The following FAM227B variants were observed in gnomAD, a reference collection of about 807,000 sequenced individuals.
FAM227B encodes family with sequence similarity 227 member B, also known as protein FAM227B.
FAM227B carries 88 observed loss-of-function variants against 73.8 expected under a neutral mutation model. The ratio of observed to expected loss-of-function variants is 1.19; its 90% confidence interval spans 1.00 to 1.42. FAM227B has a LOEUF of 1.42. Ranked by LOEUF, FAM227B falls within the 40% of genes most tolerant of loss-of-function variation. The probability of loss-of-function intolerance (pLI) is 0.00; values close to 1 mark genes in which losing one functional copy is unlikely to be tolerated. For synonymous variants in FAM227B, 210 were observed against 190.5 expected, an observed-to-expected ratio of 1.10 and a Z score of -0.84; for missense variants, 632 against 590.9, an observed-to-expected ratio of 1.07 and a Z score of -0.72.
In FAM227B at chr15:49,523,638, T is replaced by C. The variant is rs534668531; in HGVS notation, c.875-15290A>G. ...ATGTGGAAGAGACTTTGGAACTGGGTAACAGGCAGAGGTTGGAACAATTTG... is the reference window on the plus strand; with the variant it reads ...ATGTGGAAGAGACTTTGGAACTGGGCAACAGGCAGAGGTTGGAACAATTTG... On this transcript the variant is annotated intron_variant, in intron 10 of 15. Transcript: ENST00000299338. Among the ~76,000 whole-genome samples, 165 of 151,192 alleles carry C rather than the reference T, an allele frequency of 1.1e-3. 1 individual carries two copies. Among genetic ancestry groups the C allele is most frequent in the African/African-American group, 3.9e-3 (161 of 41,446 alleles).
intron 11 of FAM227B, among the ~76,000 whole-genome samples, chr15:49,489,803 T>A (rs1157670919): frequency 3.1e-4 from 18 of 57,314 alleles, no homozygotes; most frequent in South Asian, 2.5e-3. Context: ...TATATATATT[T>A]TATATATATA....
At chr15:49,567,598 A>G (rs1053744451) in intron 9 of FAM227B, among the ~76,000 whole-genome samples, 5 of 152,154 alleles carry the variant, frequency 3.3e-5, no homozygotes, top group African/African-American at 1.2e-4. Context: ...AAACATTTAC[A>G]AACTCCAAAG....
At chr15:49,392,194 T>A (rs1361943964) in intron 11 of FAM227B, among the ~76,000 whole-genome samples, 2 of 152,130 alleles carry the variant, frequency 1.3e-5, no homozygotes, top group East Asian at 3.8e-4. Flanking sequence ...ATGAAACTTC[T>A]AGGATGCAAA....
At chr15:49,487,984 C>A (rs1457778435) in intron 11 of FAM227B, 1 of 151,850 alleles carries the variant, frequency 6.6e-6, no homozygotes, top group African/African-American at 2.4e-5. Context: ...ATAAATAACA[C>A]AAGGCTAAAG....
chr15:49,570,388 C>T (rs1160624855), intron 8 of FAM227B, among the ~76,000 whole-genome samples: 1 of 151,790 alleles, frequency 6.6e-6, no homozygotes, highest in Non-Finnish European at 1.5e-5. Flanking sequence ...GGTTTGTATT[C>T]CCCTAACGAT....
chr15:49,429,843 C>A (rs1363983710), intron 11 of FAM227B, among the ~76,000 whole-genome samples: 1 of 151,892 alleles, frequency 6.6e-6, no homozygotes, highest in Non-Finnish European at 1.5e-5. Flanking sequence ...AAGTCAGAAT[C>A]TCACAAAGGT....
chr15:49,513,567 T>C (rs1359617992), intron 10 of FAM227B, among the ~76,000 whole-genome samples: 1 of 151,710 alleles, frequency 6.6e-6, no homozygotes. Context: ...TTTGCTCTGA[T>C]GATCTCTTGC....
chr15:49,487,901 T>G (rs1250372631), intron 11 of FAM227B: 1 of 152,022 alleles, frequency 6.6e-6, no homozygotes, highest in Non-Finnish European at 1.5e-5. Flanking sequence ...TTTACATCCC[T>G]ACTCCACTGC....
At chr15:49,353,717 G>T (rs2042605525) in intron 13 of FAM227B, 1 of 151,542 alleles carries the variant, frequency 6.6e-6, no homozygotes, top group Non-Finnish European at 1.5e-5. Context: ...AGGACTGAGG[G>T]AAAAAAGATA....
intron 3 of FAM227B, among the ~76,000 whole-genome samples, chr15:49,596,295 G>C (rs1598450950): frequency 6.6e-6 from 1 of 151,934 alleles, no homozygotes; most frequent in East Asian, 1.9e-4. Context: ...GAAGAGACTG[G>C]GGTCCTACCT....
chr15:49,609,095 G>A (rs2077716734), intron 3 of FAM227B, among the ~76,000 whole-genome samples: 1 of 151,836 alleles, frequency 6.6e-6, no homozygotes. Context: ...GTGAACGGAA[G>A]TAACTAAATG....
At chr15:49,600,654 C>CA (rs776786703) in intron 3 of FAM227B, among the ~76,000 whole-genome samples, 9,248 of 107,072 alleles carry the variant, frequency 0.086, 634 homozygotes, top group African/African-American at 0.21. Flanking sequence ...GACCACATCT[C>CA]AAAAAAAAAA....
intron 11 of FAM227B, among the ~76,000 whole-genome samples, chr15:49,377,814 C>T (rs2046269848): frequency 6.6e-6 from 1 of 152,064 alleles, no homozygotes; most frequent in African/African-American, 2.4e-5. Flanking sequence ...TGGGTTGTCT[C>T]TTCACTTTGT....
intron 8 of FAM227B, among the ~76,000 whole-genome samples, chr15:49,572,284 A>G (rs191733808): frequency 6.6e-5 from 10 of 152,130 alleles, no homozygotes; most frequent in African/African-American, 2.4e-4. Context: ...TGTTACAAAC[A>G]GAGATATTTC....
intron 3 of FAM227B, among the ~76,000 whole-genome samples, chr15:49,598,251 ATTTC>A (rs1241973675): frequency 6.6e-6 from 1 of 151,962 alleles, no homozygotes; most frequent in Non-Finnish European, 1.5e-5. Context: ...TGTTTTCTTG[ATTTC>A]TTTAATAGTT....
rs182026117 is a variant in FAM227B at position 49,510,744 on chromosome 15, T to C, written c.875-2396A>G. ...TACGCCTTATTTTGGTGGTTTTTTTTCTCCAATAACTTGATGAGAAAAGAT... is the reference window on the plus strand; with the variant it reads ...TACGCCTTATTTTGGTGGTTTTTTTCCTCCAATAACTTGATGAGAAAAGAT... On this transcript the variant is annotated intron_variant, in intron 10 of 15. Transcript: ENST00000299338. 5.8e-3 allele frequency among the ~76,000 whole-genome samples: 886 copies of C among 152,258 alleles called. 6 individuals are homozygous for C. Among genetic ancestry groups the C allele is most frequent in the Non-Finnish European group, 7.4e-3 (500 of 67,992 alleles).
intron 13 of FAM227B, among the ~76,000 whole-genome samples, chr15:49,339,204 A>G (rs760609523): frequency 1.3e-5 from 2 of 152,160 alleles, no homozygotes; most frequent in Non-Finnish European, 2.9e-5. Context: ...TTAGCAGAGA[A>G]GAGGCATTCT....
intron 15 of FAM227B, chr15:49,328,915 A>G (rs1237342430): frequency 7.3e-6 from 9 of 1,225,950 alleles, no homozygotes; most frequent in Non-Finnish European, 9.2e-6. Context: ...AGAAAAACTT[A>G]GATAAAAAAC....
chr15:49,436,057 C>T (rs963338877), intron 11 of FAM227B, among the ~76,000 whole-genome samples: 2 of 151,230 alleles, frequency 1.3e-5, no homozygotes, highest in South Asian at 2.1e-4. Flanking sequence ...CTTCATTTCA[C>T]GGAAGAAAAA....
Sources: gnomAD v4.1 joint callset for allele counts (sites outside exome capture counted in the v4.1 genomes callset) on GRCh38, gnomAD v4.1.1 for gene constraint, MANE v1.5 for transcripts, NCBI Gene and HGNC (gene_info 2026-07-23, HGNC 2026-07-21) for gene names.